COIL: variants seen among roughly 807,000 people sequenced by gnomAD.
COIL encodes the protein coilin.
In COIL, 28 loss-of-function variants were observed where a neutral mutation model predicts 51.6. The observed-to-expected ratio is 0.54, with a 90% CI of 0.40 to 0.74. The LOEUF is 0.74. Among genes scored for constraint, COIL ranks in the 30% least tolerant of loss-of-function variants. The probability of loss-of-function intolerance (pLI) is 0.00; values close to 1 mark genes in which losing one functional copy is unlikely to be tolerated. For missense variants in COIL, 667 were observed against 685.9 expected (o/e 0.97, Z 0.31); for synonymous variants, 233 against 255.8 (o/e 0.91, Z 0.85).
chr17:56,951,322 T>G (rs1427445146), intron 1 of COIL: 1 of 214,266 alleles, frequency 4.7e-6, no homozygotes, highest in Non-Finnish European at 9.1e-6. Flanking sequence ...ACAAGTTACT[T>G]GCCCCAAATC....
At position 56,949,662 on chromosome 17, in the gene COIL, C is replaced by A; in HGVS notation, c.1440+19G>T. ...GGGGAATGAACCTTTTTTGCTGTGA[C>A]TGTTCTTTTGAAATATACCTTAAAT... On this transcript the variant is annotated intron_variant, in intron 3 of 6. Coordinates refer to ENST00000240316, the MANE Select transcript of COIL (RefSeq NM_004645.3). 6.2e-7 allele frequency: 1 copy of A among 1,602,088 alleles called. No homozygotes were observed. Among genetic ancestry groups the A allele is most frequent in the African/African-American group, 1.3e-5 (1 of 74,754 alleles).
At chr17:56,949,240 G>T in intron 4 of COIL, 147 bp downstream of exon 4, 1 of 621,866 alleles carries the variant, frequency 1.6e-6, no homozygotes, top group Non-Finnish European at 2.7e-6. Context: ...TTAAAGAGTT[G>T]ACATTTCGAT....
intron 6 of COIL, among the ~76,000 whole-genome samples, chr17:56,940,492 G>A (rs932981727): frequency 6.6e-5 from 10 of 151,998 alleles, no homozygotes; most frequent in African/African-American, 1.7e-4. Context: ...TTTCCAATGC[G>A]GTTTCCAATT....
intron 5 of COIL, among the ~76,000 whole-genome samples, chr17:56,943,308 G>A (rs1448607945): frequency 6.6e-6 from 1 of 152,088 alleles, no homozygotes; most frequent in South Asian, 2.1e-4. Flanking sequence ...GTGTCACTTT[G>A]GGGACATTTT....
chr17:56,954,567 T>TA (rs576557234), intron 1 of COIL, among the ~76,000 whole-genome samples: 9,150 of 140,888 alleles, frequency 0.065, 347 homozygotes, highest in Non-Finnish European at 0.086. Context: ...CTCCAAAAAA[T>TA]AAAAAAAAAA....
At chr17:56,954,674 A>T (rs1598098417) in intron 1 of COIL, among the ~76,000 whole-genome samples, 1 of 152,114 alleles carries the variant, frequency 6.6e-6, no homozygotes, top group African/African-American at 2.4e-5. Context: ...TTCAGTTTTT[A>T]AAATATTAAG....
In COIL at chr17:56,947,072, A is replaced by G. The variant is rs372012817; in HGVS notation, c.1489-561T>C. On this transcript the variant is annotated intron_variant, in intron 4 of 6. Transcript: ENST00000240316. ...GTGGGAGCTGATTTTCTAATGCATC[A>G]AGAGGATGCACTGCCCATGCACGTG... 1.3e-4 allele frequency among the ~76,000 whole-genome samples: 20 copies of G among 152,280 alleles called. 1 individual carries two copies. The South Asian group carries it at 3.7e-3, about 28-fold the overall frequency.
rs558112148 is a variant in COIL, at chr17:56,942,971, G to A, written c.1559-848C>T. 4.5e-4 allele frequency among the ~76,000 whole-genome samples: 69 copies of A among 152,258 alleles called. 1 individual carries two copies. The highest frequency in any genetic ancestry group is 2.9e-4 in the Non-Finnish European group (20 of 68,010). On this transcript the variant is annotated intron_variant, in intron 5 of 6. Coordinates refer to ENST00000240316, the MANE Select transcript of COIL (RefSeq NM_004645.3). ...ACATTAAAAACCTTTACTACATAGG[G>A]AAATTAAAAAATAGTAAAATAAATA...
chr17:56,945,204 G>C (rs1238448940), intron 5 of COIL, among the ~76,000 whole-genome samples: 1 of 151,932 alleles, frequency 6.6e-6, no homozygotes, highest in Non-Finnish European at 1.5e-5. Flanking sequence ...TGGACATGGT[G>C]GTGTGTGCCT....
At chr17:56,958,192 T>C (rs1159981297) in intron 1 of COIL, among the ~76,000 whole-genome samples, 1 of 152,224 alleles carries the variant, frequency 6.6e-6, no homozygotes, top group Non-Finnish European at 1.5e-5. Context: ...CTGATCTCCC[T>C]TTTCTCAACC....
intron 1 of COIL, among the ~76,000 whole-genome samples, chr17:56,956,591 G>A (rs534732687): frequency 1.3e-4 from 19 of 151,632 alleles, no homozygotes; most frequent in South Asian, 1.0e-3. Flanking sequence ...TTTTTTGTTC[G>A]TTTGTTTGTT....
intron 5 of COIL, among the ~76,000 whole-genome samples, chr17:56,946,194 T>C (rs919475370): frequency 2.0e-5 from 3 of 152,244 alleles, no homozygotes; most frequent in African/African-American, 7.2e-5. Context: ...ATTCTTTTTA[T>C]AATCGATTTT....
chr17:56,950,095 G>A lies in COIL; in HGVS notation c.1147C>T (p.Pro383Ser), dbSNP rs746800733. 2 of 1,614,102 alleles carry A rather than the reference G, an allele frequency of 1.2e-6. No individual in the cohort carries two copies. The highest frequency in any genetic ancestry group is 2.2e-5 in the East Asian group (1 of 44,882). The change falls in exon 2 of 7, where the codon CCC becomes TCC. Residue 383 changes from proline to serine, a missense_variant. Physicochemically the swap from Pro to Ser is moderately conservative, Grantham distance 74 (BLOSUM62 -1). Coordinates refer to ENST00000240316, the MANE Select transcript of COIL (RefSeq NM_004645.3). The stretch of plus-strand genomic sequence containing the variant: ...AAACTAGCAGGGAGAGACACACTGG[G>A]AGAAGCACCAGGAGCCTGTCCACCA... ...NGGGQAPGAS[P>S]SVSLPASLGR...
chr17:56,957,216 C>T (rs181772652), intron 1 of COIL, among the ~76,000 whole-genome samples: 72 of 152,124 alleles, frequency 4.7e-4, no homozygotes, highest in African/African-American at 1.6e-3. Flanking sequence ...CACTGCACTC[C>T]AGCCTGGGCA....
intron 1 of COIL, chr17:56,951,587 T>C (rs1239749341): frequency 6.6e-6 from 1 of 152,504 alleles, no homozygotes; most frequent in African/African-American, 2.4e-5. Context: ...GAAGCTTAAT[T>C]TTATGTATCA....
At chr17:56,948,283 C>T (rs1567852218) in intron 4 of COIL, among the ~76,000 whole-genome samples, 2 of 151,798 alleles carry the variant, frequency 1.3e-5, no homozygotes, top group Non-Finnish European at 2.9e-5. Context: ...TACAGGCACC[C>T]GCCACCATGC....
chr17:56,943,795 A>T (rs920951528), intron 5 of COIL, among the ~76,000 whole-genome samples: 1 of 152,230 alleles, frequency 6.6e-6, no homozygotes, highest in Admixed American at 6.5e-5. Context: ...AGGGTAACTG[A>T]AATATATGTA....
At chr17:56,947,985 C>T (rs1304548821) in intron 4 of COIL, among the ~76,000 whole-genome samples, 3 of 152,094 alleles carry the variant, frequency 2.0e-5, no homozygotes, top group South Asian at 2.1e-4. Flanking sequence ...TCACAAGTAT[C>T]CTGATTCAGG....
At chr17:56,959,739 G>A (rs75423531) in intron 1 of COIL, among the ~76,000 whole-genome samples, 4,763 of 152,338 alleles carry the variant, frequency 0.031, 98 homozygotes, top group East Asian at 0.056. Context: ...GGCCGCCATG[G>A]GTAAGGCCGG....
Sources: gnomAD v4.1 joint callset for allele counts (sites outside exome capture counted in the v4.1 genomes callset) on GRCh38, gnomAD v4.1.1 for gene constraint, MANE v1.5 for transcripts, NCBI Gene and HGNC (gene_info 2026-07-23, HGNC 2026-07-21) for gene names.